Variants in CACNA2D2 observed in about 807,000 individuals in gnomAD.
CACNA2D2 encodes calcium voltage-gated channel auxiliary subunit alpha2delta 2.
A neutral mutation model predicts 166.4 loss-of-function variants in CACNA2D2; 48 were observed. The observed-to-expected ratio is 0.29, with a 90% confidence interval of 0.23 to 0.37. CACNA2D2 has a LOEUF of 0.37. Ranked by LOEUF, CACNA2D2 falls within the 10% of genes least tolerant of loss-of-function variation. The probability of loss-of-function intolerance (pLI) is 1.00; values close to 1 mark genes in which losing one functional copy is unlikely to be tolerated. For synonymous variants in CACNA2D2, 561 were observed against 573.7 expected, an observed-to-expected ratio of 0.98 and a Z score of 0.32; for missense variants, 1,122 against 1,433.0, an observed-to-expected ratio of 0.78 and a Z score of 3.50.
intron 3 of CACNA2D2, among the ~76,000 whole-genome samples, chr3:50,399,984 C>T (rs1706361993): frequency 6.6e-6 from 1 of 152,164 alleles, no homozygotes; most frequent in African/African-American, 2.4e-5. Context: ...CCAGCAGCCC[C>T]TGCCTAGCCC....
chr3:50,367,918 AGGGGTG>A lies in CACNA2D2; in HGVS notation c.2144-22_2144-17del. Reference sequence around the variant, plus strand: ...AAGTTGTTGCCTGGAACAGGAGGGGAGGGGTGGGGGTGGGGGCATCTTCTTGCAGCT... The same window carrying A: ...AAGTTGTTGCCTGGAACAGGAGGGGAGGGGTGGGGGCATCTTCTTGCAGCT... On this transcript the variant is annotated splice_polypyrimidine_tract_variant and intron_variant, in intron 24 of 37. Coordinates refer to ENST00000424201, the MANE Select transcript of CACNA2D2 (RefSeq NM_006030.4). This position sits in a 1 kb window ranked among gnomAD's most constrained non-coding sequence, Gnocchi z 6.5. 3.5e-5 allele frequency: 5 copies of A among 143,986 alleles called. No individual in the cohort carries two copies. Among genetic ancestry groups the A allele is most frequent in the Non-Finnish European group, 7.3e-5 (5 of 68,086 alleles). The allele number at this position is 143,986 out of a possible 1,614,324, so 8.9% of individuals were successfully genotyped here.
At chr3:50,500,229 C>T (rs1698902085) in intron 1 of CACNA2D2, among the ~76,000 whole-genome samples, 1 of 148,914 alleles carries the variant, frequency 6.7e-6, no homozygotes, top group Non-Finnish European at 1.5e-5. Flanking sequence ...GGTCCAAACC[C>T]CTCAGGCCCC....
chr3:50,369,480 C>T (rs1704535263), intron 23 of CACNA2D2, among the ~76,000 whole-genome samples: 1 of 152,250 alleles, frequency 6.6e-6, no homozygotes, highest in African/African-American at 2.4e-5. Context: ...CACAAATACA[C>T]ACATCTACAG....
At chr3:50,399,377 G>A (rs1706326122) in intron 3 of CACNA2D2, among the ~76,000 whole-genome samples, 1 of 152,212 alleles carries the variant, frequency 6.6e-6, no homozygotes, top group African/African-American at 2.4e-5. Context: ...GAGGACATGA[G>A]AGGCTTAGAA....
chr3:50,465,354 T>A (rs1709784837), intron 2 of CACNA2D2, among the ~76,000 whole-genome samples: 1 of 152,200 alleles, frequency 6.6e-6, no homozygotes, highest in African/African-American at 2.4e-5. Context: ...AGATGGAGCA[T>A]AATGAAGGCT....
At chr3:50,378,189 T>C (rs931861967) in intron 14 of CACNA2D2, 92 bp from the exon 15 acceptor site, 1 of 1,570,226 alleles carries the variant, frequency 6.4e-7, no homozygotes, top group Admixed American at 1.7e-5. Context: ...CCCCAGCCAC[T>C]GTGAGGGGGC....
At chr3:50,443,888 A>G (rs958874674) in intron 2 of CACNA2D2, among the ~76,000 whole-genome samples, 7 of 152,184 alleles carry the variant, frequency 4.6e-5, no homozygotes, top group Non-Finnish European at 7.3e-5. Flanking sequence ...TTGGTGGGCC[A>G]GGGGGGACTC....
chr3:50,377,690 T>C, intron 16 of CACNA2D2, 42 bp downstream of exon 16: 3 of 1,590,042 alleles, frequency 1.9e-6, no homozygotes, highest in Non-Finnish European at 2.6e-6. Context: ...TGCCCATTCC[T>C]CCCCAGGCAC....
chr3:50,383,547 C>A (rs1217085410), intron 6 of CACNA2D2, among the ~76,000 whole-genome samples: 2 of 152,192 alleles, frequency 1.3e-5, no homozygotes, highest in Admixed American at 6.5e-5. Flanking sequence ...ATGTCTGACT[C>A]AAATCCTTCT....
intron 22 of CACNA2D2, chr3:50,373,036 G>A: frequency 1.3e-6 from 2 of 1,531,832 alleles, no homozygotes; most frequent in Non-Finnish European, 1.7e-6. Context: ...GTGGGAAGAG[G>A]AGGGTGCACT....
intron 1 of CACNA2D2, among the ~76,000 whole-genome samples, chr3:50,501,969 G>C (rs1382184584): frequency 6.6e-6 from 1 of 152,182 alleles, no homozygotes; most frequent in Non-Finnish European, 1.5e-5. Context: ...ACCTGCCTGA[G>C]CACAGCCAGG....
At chr3:50,415,106 C>A (rs1340208984) in intron 3 of CACNA2D2, among the ~76,000 whole-genome samples, 1 of 152,178 alleles carries the variant, frequency 6.6e-6, no homozygotes, top group Admixed American at 6.5e-5. Context: ...GATAGGCAGG[C>A]TAGGAATCCT....
chr3:50,460,474 GT>G (rs11315902), intron 2 of CACNA2D2, among the ~76,000 whole-genome samples: 14,768 of 150,038 alleles, frequency 0.098, 2,091 homozygotes, highest in African/African-American at 0.31. Flanking sequence ...AAAATAAAAA[GT>G]TTTTTTTTTA....
At chr3:50,451,122 C>G (rs1426146699) in intron 2 of CACNA2D2, among the ~76,000 whole-genome samples, 1 of 152,142 alleles carries the variant, frequency 6.6e-6, no homozygotes. Flanking sequence ...TTATCCCTCC[C>G]ACCAGGGGCT....
Position 50,380,224 on chromosome 3 carries a change from A to G in CACNA2D2, c.843-206T>C, listed in dbSNP as rs1705229845. Among the ~76,000 whole-genome samples the G allele has an allele frequency of 6.6e-6, 1 of 152,254 alleles. No individual in the cohort carries two copies. Among genetic ancestry groups the G allele is most frequent in the African/African-American group, 2.4e-5 (1 of 41,466 alleles). ...GAATGGTCTGGTTCCTCAGCAAGGAAAAAGTACCAGGGGGTATATGAGCAG... is the reference window on the plus strand; with the variant it reads ...GAATGGTCTGGTTCCTCAGCAAGGAGAAAGTACCAGGGGGTATATGAGCAG... On this transcript the variant is annotated intron_variant, in intron 8 of 37. Coordinates refer to ENST00000424201, the MANE Select transcript of CACNA2D2 (RefSeq NM_006030.4). The surrounding 1 kb of genome is among the most constrained non-coding windows in gnomAD (Gnocchi z 4.9).
At chr3:50,410,554 G>A (rs930373932) in intron 3 of CACNA2D2, among the ~76,000 whole-genome samples, 1 of 152,012 alleles carries the variant, frequency 6.6e-6, no homozygotes, top group African/African-American at 2.4e-5. Context: ...AAGGCCTCTG[G>A]GCCACCTGAT....
At chr3:50,431,645 G>A (rs1046532208) in intron 3 of CACNA2D2, among the ~76,000 whole-genome samples, 1 of 152,174 alleles carries the variant, frequency 6.6e-6, no homozygotes, top group Admixed American at 6.5e-5. Flanking sequence ...CACACGGTGA[G>A]TATCTGTCTG....
intron 2 of CACNA2D2, among the ~76,000 whole-genome samples, chr3:50,457,088 A>G (rs938703335): frequency 2.6e-5 from 4 of 152,142 alleles, no homozygotes; most frequent in Admixed American, 2.0e-4. Context: ...TGTCTCTACT[A>G]AAAATACAAA....
intron 2 of CACNA2D2, among the ~76,000 whole-genome samples, chr3:50,455,097 C>T (rs2187815): frequency 0.097 from 14,761 of 152,230 alleles, 2,097 homozygotes; most frequent in African/African-American, 0.31. Flanking sequence ...CCTCTCTGGG[C>T]CTTGGTTTCC....
Sources: allele counts gnomAD v4.1 joint callset (sites outside exome capture counted in the v4.1 genomes callset), GRCh38; gene constraint gnomAD v4.1.1; non-coding constraint Gnocchi (gnomAD v3.1); transcripts MANE v1.5; gene names NCBI Gene and HGNC (gene_info 2026-07-23, HGNC 2026-07-21).